STAU2: variants seen among roughly 807,000 people sequenced by gnomAD.
The protein encoded by STAU2 is double-stranded RNA-binding protein Staufen homolog 2.
A neutral mutation model predicts 65.9 loss-of-function variants in STAU2; 20 were observed. The ratio of observed to expected loss-of-function variants is 0.30; its 90% CI spans 0.21 to 0.44. STAU2 has a LOEUF of 0.44. Ranked by LOEUF, STAU2 falls within the 20% of genes least tolerant of loss-of-function variation. The pLI is 1.00. For missense variants in STAU2, 558 were observed against 683.9 expected (o/e 0.82, Z 2.05); for synonymous variants, 232 against 233.9 (o/e 0.99, Z 0.07).
At chr8:73,473,669 T>G (rs1585831238) in intron 13 of STAU2, among the ~76,000 whole-genome samples, 1 of 152,212 alleles carries the variant, frequency 6.6e-6, no homozygotes, top group Non-Finnish European at 1.5e-5. Context: ...GCCAGAGGCT[T>G]GGATTTGCCA....
At chr8:73,572,034 T>C (rs1217129664) in intron 12 of STAU2, among the ~76,000 whole-genome samples, 1 of 151,834 alleles carries the variant, frequency 6.6e-6, no homozygotes, top group Non-Finnish European at 1.5e-5. Flanking sequence ...GACAGAAGAA[T>C]CAAATAGACG....
At chr8:73,580,012 G>GATTAAAA (rs1809867563) in intron 12 of STAU2, among the ~76,000 whole-genome samples, 1 of 152,064 alleles carries the variant, frequency 6.6e-6, no homozygotes, top group Admixed American at 6.6e-5. Context: ...TCTACTTATA[G>GATTAAAA]TTAGGTGCTA....
intron 13 of STAU2, among the ~76,000 whole-genome samples, chr8:73,431,912 C>T (rs550615290): frequency 2.0e-5 from 3 of 152,314 alleles, no homozygotes; most frequent in African/African-American, 4.8e-5. Flanking sequence ...TAGCAGCATT[C>T]GGCCATTCTC....
At chr8:73,696,348 C>T (rs546775467) in intron 4 of STAU2, among the ~76,000 whole-genome samples, 12 of 152,166 alleles carry the variant, frequency 7.9e-5, no homozygotes, top group Admixed American at 1.3e-4. Context: ...CTACAACCAT[C>T]GACACCATTC....
At chr8:73,746,403 GA>G (rs1367068892) in intron 1 of STAU2, among the ~76,000 whole-genome samples, 1 of 150,926 alleles carries the variant, frequency 6.6e-6, no homozygotes, top group Non-Finnish European at 1.5e-5. Flanking sequence ...CGGCCCCCTA[GA>G]ACCCCAGCCT....
intron 12 of STAU2, among the ~76,000 whole-genome samples, chr8:73,560,016 T>A (rs903015734): frequency 6.6e-6 from 1 of 151,698 alleles, no homozygotes; most frequent in African/African-American, 2.4e-5. Flanking sequence ...TTAAGATCAG[T>A]TTCAGAATCA....
At chr8:73,649,867 TTTTATATATATATATATATATA>T (rs1815707046) in intron 6 of STAU2, among the ~76,000 whole-genome samples, 1 of 53,556 alleles carries the variant, frequency 1.9e-5, no homozygotes, top group Non-Finnish European at 3.5e-5. Flanking sequence ...TTCTATATAA[TTTTATATATATATATATATATA>T]TATATATATA....
At chr8:73,622,468 G>T (rs542303543) in intron 6 of STAU2, among the ~76,000 whole-genome samples, 2 of 152,056 alleles carry the variant, frequency 1.3e-5, no homozygotes, top group South Asian at 2.1e-4. Flanking sequence ...ACTACAGCCT[G>T]GTGAGGCAGG....
chr8:73,435,475 G>A (rs1817618805), intron 13 of STAU2, among the ~76,000 whole-genome samples: 1 of 151,920 alleles, frequency 6.6e-6, no homozygotes, highest in South Asian at 2.1e-4. Flanking sequence ...CTCAGAGCCA[G>A]CATCTTGCCC....
chr8:73,507,860 TTA>T (rs1237811820), intron 13 of STAU2, among the ~76,000 whole-genome samples: 1 of 152,204 alleles, frequency 6.6e-6, no homozygotes, highest in Non-Finnish European at 1.5e-5. Flanking sequence ...CCTTACACTT[TTA>T]TGTTATGGAG....
chr8:73,424,435 G>A (rs1052779884), intron 13 of STAU2, among the ~76,000 whole-genome samples: 7 of 151,736 alleles, frequency 4.6e-5, no homozygotes, highest in South Asian at 2.1e-4. Flanking sequence ...TCCTGACCTC[G>A]GGTGATCCAC....
At chr8:73,570,253 T>G (rs1348495453) in intron 12 of STAU2, among the ~76,000 whole-genome samples, 1 of 151,790 alleles carries the variant, frequency 6.6e-6, no homozygotes, top group African/African-American at 2.4e-5. Context: ...AAGCGAGAAG[T>G]TTAGAGAAAA....
At chr8:73,460,619 ATC>A (rs553048427) in intron 13 of STAU2, among the ~76,000 whole-genome samples, 250 of 152,228 alleles carry the variant, frequency 1.6e-3, no homozygotes, top group Middle Eastern at 3.4e-3. Flanking sequence ...GTACTCTTAG[ATC>A]CATGGTCTTC....
chr8:73,611,163 C>G (rs1025916192), intron 9 of STAU2, among the ~76,000 whole-genome samples: 5 of 152,140 alleles, frequency 3.3e-5, no homozygotes, highest in African/African-American at 1.2e-4. Flanking sequence ...TGCTAAAAAT[C>G]AGGATACTAT....
intron 1 of STAU2, among the ~76,000 whole-genome samples, chr8:73,742,651 C>G (rs527749377): frequency 6.6e-6 from 1 of 151,690 alleles, no homozygotes; most frequent in East Asian, 1.9e-4. Flanking sequence ...CCAAAAATGC[C>G]CTATCTGGTC....
At chr8:73,546,123 C>CTTTTTTTTTTTTTT (rs71561528) in intron 13 of STAU2, among the ~76,000 whole-genome samples, 2 of 93,290 alleles carry the variant, frequency 2.1e-5, no homozygotes, top group Non-Finnish European at 3.8e-5. Flanking sequence ...GTTTGGTTTT[C>CTTTTTTTTTTTTTT]TTTTTTTTTT....
At position 73,509,878 on chromosome 8, in the gene STAU2, T is replaced by C. The variant is rs544855154; in HGVS notation, c.1530+42134A>G. Among the ~76,000 whole-genome samples the C allele has an allele frequency of 5.8e-4, 88 of 152,308 alleles. 1 individual carries two copies. The South Asian group carries it at 0.018, about 32-fold the overall frequency. On this transcript the variant is annotated intron_variant, in intron 13 of 14. Coordinates refer to ENST00000524300, the MANE Select transcript of STAU2 (RefSeq NM_001164380.2). The stretch of plus-strand genomic sequence containing the variant: ...GCAGAGGAAATTTCTTTTTTGTATT[T>C]GAGTTGATAATTTGACCTGGAATTT...
rs34533172 is a variant in STAU2, at chr8:73,591,882, TAAAAAAAAAAAAAA to T, written c.1161+3270_1161+3283del. ...ACCCATACAGCGTGTATCCCAGAGG[TAAAAAAAAAAAAAA>T]AAAAAAAAAAAAAAAAAACAAGAGA... On this transcript the variant is annotated intron_variant, in intron 11 of 14. Transcript: ENST00000524300. Among the ~76,000 whole-genome samples the T allele has an allele frequency of 6.6e-3, 188 of 28,472 alleles. 1 individual carries two copies. Among genetic ancestry groups the T allele is most frequent in the South Asian group, 0.011 (5 of 440 alleles). 18.7% of individuals were successfully genotyped at this position (28,472 alleles called of 152,430 possible).
intron 9 of STAU2, among the ~76,000 whole-genome samples, chr8:73,612,082 T>C (rs1333425399): frequency 3.9e-5 from 6 of 152,172 alleles, no homozygotes; most frequent in African/African-American, 1.4e-4. Flanking sequence ...CATTCCAACA[T>C]AAAATGCTGT....
Sources: gnomAD v4.1 joint callset for allele counts (sites outside exome capture counted in the v4.1 genomes callset) on GRCh38, gnomAD v4.1.1 for gene constraint, MANE v1.5 for transcripts, NCBI Gene and HGNC (gene_info 2026-07-23, HGNC 2026-07-21) for gene names.